CABIN1: variants seen among roughly 807,000 people sequenced by gnomAD.
CABIN1 encodes the protein calcineurin-binding protein cabin-1.
In CABIN1, 133 loss-of-function variants were observed where a neutral mutation model predicts 227.7. That is an observed-to-expected ratio of 0.58 (90% confidence interval 0.51 to 0.67). The LOEUF is 0.67. Among genes scored for constraint, CABIN1 ranks in the 30% least tolerant of loss-of-function variants. The pLI, the probability that CABIN1 is intolerant of heterozygous loss-of-function variation, is 0.00. For missense variants in CABIN1, 2,408 were observed against 2,852.5 expected (o/e 0.84, Z 3.55); for synonymous variants, 1,086 against 1,155.1 (o/e 0.94, Z 1.21).
intron 27 of CABIN1, among the ~76,000 whole-genome samples, chr22:24,114,220 A>T (rs2042962610): frequency 6.6e-6 from 1 of 152,152 alleles, no homozygotes; most frequent in Admixed American, 6.5e-5. Flanking sequence ...GCCCTGATTT[A>T]AGCCTGGGGG....
intron 29 of CABIN1, among the ~76,000 whole-genome samples, chr22:24,159,475 C>A (rs1602414027): frequency 6.6e-6 from 1 of 152,232 alleles, no homozygotes; most frequent in South Asian, 2.1e-4. Flanking sequence ...TGCTTGCTCC[C>A]TTGTCAGGCC....
intron 3 of CABIN1, among the ~76,000 whole-genome samples, chr22:24,036,478 A>G (rs1301875878): frequency 1.3e-5 from 2 of 152,180 alleles, no homozygotes; most frequent in African/African-American, 4.8e-5. Context: ...GAATGGTAGA[A>G]TATTAATGGT....
chr22:24,116,790 T>C (rs573963303), intron 27 of CABIN1, among the ~76,000 whole-genome samples: 152 of 152,320 alleles, frequency 1.0e-3, no homozygotes, highest in African/African-American at 3.5e-3. Context: ...GCTGGGGGCA[T>C]GTCTGTGCCT....
intron 2 of CABIN1, 95 bp downstream of exon 2, chr22:24,035,615 G>C: frequency 6.7e-7 from 1 of 1,500,492 alleles, no homozygotes; most frequent in Non-Finnish European, 9.3e-7. Context: ...GATTCTGAAG[G>C]CTCTTATTAT....
At chr22:24,038,833 T>G (rs1468300475) in intron 4 of CABIN1, among the ~76,000 whole-genome samples, 1 of 152,186 alleles carries the variant, frequency 6.6e-6, no homozygotes, top group Non-Finnish European at 1.5e-5. Flanking sequence ...TCGAACCAGG[T>G]TTGGAGTCCA....
intron 29 of CABIN1, chr22:24,155,873 C>T: frequency 2.3e-6 from 1 of 432,306 alleles, no homozygotes; most frequent in Non-Finnish European, 4.1e-6. Flanking sequence ...CCGCCACCAG[C>T]GGCCAGTCCA....
At chr22:24,053,043 T>C (rs1350305041) in intron 8 of CABIN1, among the ~76,000 whole-genome samples, 1 of 151,766 alleles carries the variant, frequency 6.6e-6, no homozygotes, top group East Asian at 1.9e-4. Flanking sequence ...TTCTGGAATT[T>C]GAAGCACTGT....
At chr22:24,064,585 A>G (rs2039464741) in intron 15 of CABIN1, among the ~76,000 whole-genome samples, 1 of 136,682 alleles carries the variant, frequency 7.3e-6, no homozygotes, top group South Asian at 2.3e-4. Context: ...GCAGGGTCAT[A>G]GGACAATAGT....
At chr22:24,115,097 A>C (rs1397183525) in intron 27 of CABIN1, among the ~76,000 whole-genome samples, 3 of 152,248 alleles carry the variant, frequency 2.0e-5, no homozygotes, top group Non-Finnish European at 2.9e-5. Flanking sequence ...TAACACTATA[A>C]TACAGCATTT....
intron 1 of CABIN1, among the ~76,000 whole-genome samples, chr22:24,033,644 C>T (rs749657942): frequency 2.0e-5 from 3 of 152,176 alleles, no homozygotes; most frequent in East Asian, 1.9e-4. Context: ...CCCAGTTCCT[C>T]GGGCCAGCCT....
intron 26 of CABIN1, among the ~76,000 whole-genome samples, chr22:24,104,980 G>A (rs1020303072): frequency 2.6e-5 from 4 of 152,178 alleles, no homozygotes; most frequent in Non-Finnish European, 5.9e-5. Context: ...TGGTCTTACT[G>A]CTGGAGCAAA....
intron 19 of CABIN1, among the ~76,000 whole-genome samples, chr22:24,076,941 A>G (rs2040483572): frequency 6.6e-6 from 1 of 152,196 alleles, no homozygotes; most frequent in Non-Finnish European, 1.5e-5. Flanking sequence ...GACCCAGCCT[A>G]TAATATTTAT....
intron 15 of CABIN1, among the ~76,000 whole-genome samples, chr22:24,064,980 A>G (rs1354926585): frequency 2.0e-5 from 3 of 152,200 alleles, no homozygotes; most frequent in Non-Finnish European, 4.4e-5. Context: ...CCCCTTTTCT[A>G]TTCCACGAAA....
rs1351088549 is a variant in CABIN1, at chr22:24,064,268, C to T, written c.2037+81C>T. 7 of 1,459,150 alleles carry T rather than the reference C, an allele frequency of 4.8e-6. No homozygotes were observed. The African/African-American group carries it at 9.7e-5, about 20-fold the overall frequency. The allele number at this position is 1,459,150 out of a possible 1,614,324, so 90.4% of individuals were successfully genotyped here. ...TCGCCTAGGCTGGAGTGTAATAGTG[C>T]AATCTCGGCTCACTGCAACCTACAC... On this transcript the variant is annotated intron_variant, in intron 15 of 36. Transcript: ENST00000263119.
At chr22:24,175,747 T>C (rs2148821470) in intron 34 of CABIN1, 1 of 385,090 alleles carries the variant, frequency 2.6e-6, no homozygotes, top group African/African-American at 2.1e-5. Context: ...ATGCTGCTTA[T>C]GTGAGCTGGA....
rs570215684 is a variant in CABIN1 at position 24,177,432 on chromosome 22, G to C, written c.6206-72G>C. ...AAGGCCCAGGACCTGGGGGGAGCGG[G>C]TGGGGGCGAGATAAAGTGCTCACTG... is the stretch of plus-strand genomic sequence containing the variant. On this transcript the variant is annotated intron_variant, in intron 35 of 36. Transcript: ENST00000263119. This position sits in a 1 kb window ranked among gnomAD's most constrained non-coding sequence, Gnocchi z 4.4. 6.8e-6 allele frequency: 9 copies of C among 1,319,496 alleles called. No individual in the cohort carries two copies. Among genetic ancestry groups the C allele is most frequent in the Non-Finnish European group, 8.3e-6 (8 of 968,290 alleles). 81.7% of individuals were successfully genotyped at this position (1,319,496 alleles called of 1,614,324 possible).
intron 8 of CABIN1, among the ~76,000 whole-genome samples, chr22:24,054,634 G>A (rs1046794735): frequency 6.6e-6 from 1 of 152,182 alleles, no homozygotes; most frequent in African/African-American, 2.4e-5. Context: ...TGCAGTGAGG[G>A]GCAGGTGGAT....
At chr22:24,017,189 A>C (rs1167638393) in intron 1 of CABIN1, among the ~76,000 whole-genome samples, 1 of 151,844 alleles carries the variant, frequency 6.6e-6, no homozygotes, top group Non-Finnish European at 1.5e-5. Context: ...GGCGCGTGCC[A>C]CCATGCCCAG....
At chr22:24,045,195 C>A (rs554925159) in intron 6 of CABIN1, among the ~76,000 whole-genome samples, 9 of 152,270 alleles carry the variant, frequency 5.9e-5, no homozygotes, top group South Asian at 2.1e-4. Context: ...AAGTGCTGGG[C>A]TTATAGGCGT....
Sources: gnomAD v4.1 joint callset for allele counts (sites outside exome capture counted in the v4.1 genomes callset) on GRCh38, gnomAD v4.1.1 for gene constraint, Gnocchi (gnomAD v3.1) non-coding constraint, MANE v1.5 for transcripts, NCBI Gene and HGNC (gene_info 2026-07-23, HGNC 2026-07-21) for gene names.